SLC25A48: variants seen among roughly 807,000 people sequenced by gnomAD.
SLC25A48 encodes the protein solute carrier family 25 member 48.
In SLC25A48, 29 loss-of-function variants were observed where a neutral mutation model predicts 32.2. The ratio of observed to expected loss-of-function variants is 0.90; its 90% confidence interval spans 0.67 to 1.23. SLC25A48 has a LOEUF of 1.23. SLC25A48 is among the 50% of genes most tolerant of loss of function. The pLI is 0.00. For missense variants in SLC25A48, 399 were observed against 422.7 expected (o/e 0.94, Z 0.49); for synonymous variants, 164 against 172.3 (o/e 0.95, Z 0.38).
chr5:135,720,151 G>C (rs184345592), intron 3 of SLC25A48, among the ~76,000 whole-genome samples: 2 of 152,228 alleles, frequency 1.3e-5, no homozygotes, highest in African/African-American at 2.4e-5. Context: ...TGGAGCTCTT[G>C]ACTATGGGGT....
chr5:135,886,632 T>TAA (rs1561567740), intron 7 of SLC25A48, among the ~76,000 whole-genome samples: 4 of 18,836 alleles, frequency 2.1e-4, no homozygotes, highest in African/African-American at 7.8e-4. Context: ...TATATATATA[T>TAA]ATATAAAATA....
At chr5:135,863,073 A>G (rs1363350596) in intron 4 of SLC25A48, among the ~76,000 whole-genome samples, 1 of 152,152 alleles carries the variant, frequency 6.6e-6, no homozygotes, top group East Asian at 1.9e-4. Flanking sequence ...GCTTGGGAAC[A>G]GAGACAGGTG....
At chr5:135,698,073 T>A (rs1754308533) in intron 3 of SLC25A48, among the ~76,000 whole-genome samples, 1 of 152,228 alleles carries the variant, frequency 6.6e-6, no homozygotes, top group Non-Finnish European at 1.5e-5. Context: ...GGTCTGCATC[T>A]ACCTATGAGG....
At chr5:135,637,014 C>T (rs1407463696) in intron 3 of SLC25A48, among the ~76,000 whole-genome samples, 1 of 152,162 alleles carries the variant, frequency 6.6e-6, no homozygotes, top group Non-Finnish European at 1.5e-5. Context: ...CTTTAAAAGC[C>T]AGCTGCTGTG....
intron 3 of SLC25A48, among the ~76,000 whole-genome samples, chr5:135,663,052 A>T (rs17168814): frequency 2.6e-5 from 4 of 152,138 alleles, no homozygotes; most frequent in Non-Finnish European, 5.9e-5. Flanking sequence ...TGAATTAGTC[A>T]GTCACTCAAG....
chr5:135,685,908 G>T (rs991341832), intron 3 of SLC25A48, among the ~76,000 whole-genome samples: 3 of 152,118 alleles, frequency 2.0e-5, no homozygotes, highest in African/African-American at 7.2e-5. Flanking sequence ...GGGGATTTTT[G>T]ACCTGGAGTT....
intron 3 of SLC25A48, chr5:135,653,746 A>C: frequency 2.2e-6 from 1 of 452,748 alleles, no homozygotes; most frequent in Non-Finnish European, 4.4e-6. Flanking sequence ...AAAGGAGCTG[A>C]AAGCAGTGAG....
At chr5:135,663,220 A>G (rs1859067) in intron 3 of SLC25A48, among the ~76,000 whole-genome samples, 104,113 of 152,092 alleles carry the variant, frequency 0.68, 36,141 homozygotes, top group Middle Eastern at 0.79. Flanking sequence ...CATGTATCTT[A>G]CATTCAAGTC....
chr5:135,827,072 T>A (rs1037783594), intron 4 of SLC25A48: 3 of 152,270 alleles, frequency 2.0e-5, no homozygotes, highest in African/African-American at 7.2e-5. Flanking sequence ...GCTCACCTGG[T>A]GAGTGGCTGA....
chr5:135,597,550 T>G (rs761873297), intron 1 of SLC25A48, among the ~76,000 whole-genome samples: 11 of 152,228 alleles, frequency 7.2e-5, no homozygotes, highest in Non-Finnish European at 1.3e-4. Flanking sequence ...AGGACCCTGC[T>G]TGCCGATAGA....
chr5:135,654,667 A>G (rs569440650), intron 3 of SLC25A48, among the ~76,000 whole-genome samples: 1 of 152,352 alleles, frequency 6.6e-6, no homozygotes, highest in African/African-American at 2.4e-5. Flanking sequence ...TTAATCAAAC[A>G]CAAATCTAGA....
chr5:135,741,544 C>T (rs1755501248), intron 3 of SLC25A48, among the ~76,000 whole-genome samples: 1 of 152,078 alleles, frequency 6.6e-6, no homozygotes, highest in African/African-American at 2.4e-5. Flanking sequence ...TCAAGACTAG[C>T]CTGGGCAATA....
chr5:135,655,791 C>G (rs1266374588), intron 3 of SLC25A48, among the ~76,000 whole-genome samples: 1 of 152,242 alleles, frequency 6.6e-6, no homozygotes, highest in Non-Finnish European at 1.5e-5. Context: ...GATTGCTCAG[C>G]TACATGCATC....
At position 135,814,131 on chromosome 5, in the gene SLC25A48, A is replaced by C. The variant is rs181701790; in HGVS notation, c.-117+1205A>C. ...CGCTGCAGTTGAGCCAGGTGTTGAGAGTGACTTCTCACTGAGCTGAGGGTC... is the reference window on the plus strand; with the variant it reads ...CGCTGCAGTTGAGCCAGGTGTTGAGCGTGACTTCTCACTGAGCTGAGGGTC... On this transcript the variant is annotated intron_variant, in intron 4 of 10. Coordinates refer to the SLC25A48 transcript ENST00000646290. Among the ~76,000 whole-genome samples the C allele has an allele frequency of 3.5e-3, 538 of 152,280 alleles. 2 individuals carry two copies. Among genetic ancestry groups the C allele is most frequent in the Admixed American group, 4.9e-3 (75 of 15,302 alleles).
intron 3 of SLC25A48, among the ~76,000 whole-genome samples, chr5:135,805,952 T>C (rs1282662762): frequency 6.6e-6 from 1 of 151,802 alleles, no homozygotes; most frequent in South Asian, 2.1e-4. Context: ...TGTGTGTACA[T>C]CCTGTGATAT....
At chr5:135,636,696 A>G (rs569948372) in intron 3 of SLC25A48, among the ~76,000 whole-genome samples, 91 of 152,232 alleles carry the variant, frequency 6.0e-4, no homozygotes, top group Non-Finnish European at 1.2e-3. Context: ...ATAAGCCCAT[A>G]GTTCTTGTAT....
intron 3 of SLC25A48, among the ~76,000 whole-genome samples, chr5:135,694,240 T>C (rs1256417517): frequency 6.6e-6 from 1 of 152,190 alleles, no homozygotes; most frequent in East Asian, 1.9e-4. Context: ...GTATTAACTA[T>C]TTTTATTGAA....
chr5:135,623,546 A>G (rs1446921472), intron 1 of SLC25A48, among the ~76,000 whole-genome samples: 1 of 152,202 alleles, frequency 6.6e-6, no homozygotes, highest in Non-Finnish European at 1.5e-5. Context: ...TGTTGTTCAA[A>G]CATGAAGGCT....
At chr5:135,649,552 T>A (rs1326918297) in intron 3 of SLC25A48, 1 of 152,126 alleles carries the variant, frequency 6.6e-6, no homozygotes, top group African/African-American at 2.4e-5. Context: ...TCAGATGGGG[T>A]AGTCAGGGAA....
Sources: allele counts gnomAD v4.1 joint callset (sites outside exome capture counted in the v4.1 genomes callset), GRCh38; gene constraint gnomAD v4.1.1; transcripts MANE v1.5; gene names NCBI Gene and HGNC (gene_info 2026-07-23, HGNC 2026-07-21).